MED16: variants seen among roughly 807,000 people sequenced by gnomAD.
The protein encoded by MED16 is mediator of RNA polymerase II transcription subunit 16.
In MED16, 81 loss-of-function variants were observed where a neutral mutation model predicts 84.4. That is an observed-to-expected ratio of 0.96 (90% CI 0.80 to 1.15). MED16 has a LOEUF of 1.15. MED16 is among the 50% of genes most tolerant of loss of function. The probability of loss-of-function intolerance (pLI) is 0.00; values close to 1 mark genes in which losing one functional copy is unlikely to be tolerated. For missense variants in MED16, 1,585 were observed against 1,245.9 expected (o/e 1.27, Z -4.10); for synonymous variants, 897 against 552.2 (o/e 1.62, Z -8.76).
intron 13 of MED16, 24 bp downstream of exon 13, chr19:871,013 G>A (rs757928053): frequency 7.2e-6 from 11 of 1,523,618 alleles, no homozygotes; most frequent in Admixed American, 2.0e-5. Context: ...CTGTGTTTGG[G>A]GACCAATGCA....
chr19:890,340 C>T lies in MED16; in HGVS notation c.170-96G>A, dbSNP rs969632178. On this transcript the variant is annotated intron_variant, in intron 2 of 15. Coordinates refer to ENST00000325464, the MANE Select transcript of MED16 (RefSeq NM_005481.3). ...GGCTCCAGGTAAGCCGGTGTGTGTC[C>T]CACCCCAGGAAGGTCACAGAACTGC... 26 of 822,760 alleles carry T rather than the reference C, an allele frequency of 3.2e-5. No homozygotes were observed. The Admixed American group carries it at 4.6e-4, about 14-fold the overall frequency. 51.0% of individuals were successfully genotyped at this position (822,760 alleles called of 1,614,324 possible).
intron 6 of MED16, among the ~76,000 whole-genome samples, chr19:883,710 GAC>G (rs1365239527): frequency 1.3e-5 from 2 of 152,160 alleles, no homozygotes; most frequent in African/African-American, 4.8e-5. Context: ...GCAGATGGTA[GAC>G]ACAGACGTGC....
At chr19:887,481 G>A (rs779404094) in intron 4 of MED16, among the ~76,000 whole-genome samples, 2 of 151,836 alleles carry the variant, frequency 1.3e-5, no homozygotes, top group African/African-American at 4.8e-5. Flanking sequence ...TCCTGGCCAA[G>A]ATAGTGAAAC....
At chr19:890,537 T>C (rs1399450466) in intron 2 of MED16, 4 of 377,448 alleles carry the variant, frequency 1.1e-5, no homozygotes, top group South Asian at 1.1e-4. Flanking sequence ...TGCACCCCGA[T>C]TTGATTCCAA....
intron 8 of MED16, among the ~76,000 whole-genome samples, chr19:879,177 G>A (rs1440784366): frequency 4.2e-5 from 6 of 141,448 alleles, no homozygotes; most frequent in Non-Finnish European, 9.0e-5. Flanking sequence ...GCCTTCCCCT[G>A]GTTGTCAATG....
chr19:889,870 C>A, intron 3 of MED16, 63 bp from the exon 4 acceptor site: 1 of 1,517,746 alleles, frequency 6.6e-7, no homozygotes. Flanking sequence ...CGTTGCAGGA[C>A]GGCACAGCGC....
chr19:870,566 C>CAAAAAA (rs1227950208), intron 13 of MED16, among the ~76,000 whole-genome samples: 1 of 103,702 alleles, frequency 9.6e-6, no homozygotes, highest in Non-Finnish European at 1.9e-5. Flanking sequence ...GTCGGGGAGA[C>CAAAAAA]AAAAAAAAAA....
rs1015592040 is a variant in MED16, at chr19:871,271, G to A, written c.2099-18C>T. On this transcript the variant is annotated intron_variant, in intron 12 of 15. Coordinates refer to ENST00000325464, the MANE Select transcript of MED16 (RefSeq NM_005481.3). ...ATCGCGACCTGCGGAGAGAGGTGGC[G>A]GAAGTCTCAGCACCCCTGACTGGGG... The A allele has an allele frequency of 3.3e-5, 51 of 1,525,038 alleles. No homozygotes were observed. Among genetic ancestry groups the A allele is most frequent in the African/African-American group, 5.5e-5 (4 of 72,800 alleles). The allele number at this position is 1,525,038 out of a possible 1,614,324, so 94.5% of individuals were successfully genotyped here. A position where few individuals can be genotyped will look rare whatever the true frequency, so the allele number is the denominator to read the frequency against.
At position 879,965 on chromosome 19, in the gene MED16, G is replaced by A. The variant is rs201215886; in HGVS notation, c.1325C>T (p.Ala442Val). ...KAMQLSWTSLALVGIDSHGKL... is the reference protein window; with the variant it reads ...KAMQLSWTSLVLVGIDSHGKL... Reference sequence around the variant, plus strand: ...CCCGTGGCTGTCAATCCCCACCAGGGCCAGTGACGTCCACGATAGCTGCAT... The same window carrying A: ...CCCGTGGCTGTCAATCCCCACCAGGACCAGTGACGTCCACGATAGCTGCAT... The change falls in exon 8 of 16, where the codon GCC (alanine) becomes GTC (valine). Residue 442 changes from alanine (A) to valine (V), a missense_variant. By Grantham distance (64) the Ala-to-Val change is moderately conservative (BLOSUM62 0). Transcript: ENST00000325464. 2.5e-6 allele frequency: 4 copies of A among 1,589,572 alleles called. No individual in the cohort carries two copies. The highest frequency in any genetic ancestry group is 3.4e-6 in the Non-Finnish European group (4 of 1,168,026).
At position 891,149 on chromosome 19, in the gene MED16, C is replaced by G. The variant is rs776418555; in HGVS notation, c.-18G>C. The G allele has an allele frequency of 6.2e-6, 10 of 1,604,964 alleles. No homozygotes were observed. The highest frequency in any genetic ancestry group is 7.7e-6 in the Non-Finnish European group (9 of 1,174,542). On this transcript the variant is annotated splice_region_variant and 5_prime_UTR_variant, in exon 2 of 16. Transcript: ENST00000325464. ...TCACACATGAGGGCAGTCACCAGCT[C>G]CTGCGGGAGGGAGGTGTGGTGGGAC...
chr19:875,256 T>C lies in MED16; in HGVS notation c.1759A>G (p.Ile587Val). 1 of 1,609,966 alleles carries C rather than the reference T, an allele frequency of 6.2e-7. No homozygotes were observed. Among genetic ancestry groups the C allele is most frequent in the South Asian group, 1.1e-5 (1 of 90,924 alleles). ...GAAAAGGACCCACCGACGTCGGTGA[T>C]CTTGGTGCAGATCTCGGTCAGCCGG... The part of the protein sequence containing the change: ...GDRLTEICTK[I>V]TDVDIDKVMI... Residue 587 changes from isoleucine (I) to valine (V), a missense_variant, in exon 10 of 16, where the codon ATC becomes GTC. Transcript: ENST00000325464.
rs1292418710 is a variant in MED16 at position 873,504 on chromosome 19, A to T, written c.1850T>A (p.Leu617His). 6.2e-7 allele frequency: 1 copy of T among 1,612,036 alleles called. No individual in the cohort carries two copies. The highest frequency in any genetic ancestry group is 1.3e-5 in the African/African-American group (1 of 74,940). Residue 617 changes from leucine to histidine, a missense_variant, in exon 11 of 16, where the codon CTC becomes CAC. By Grantham distance (99) the Leu-to-His change is moderately conservative. Transcript: ENST00000325464. ...CACGAAGTCGCCCACCCACTGCAAG[A>T]GCTGCTGCAGCGCCTGCAGTGTGTT... ...DMNTLQALQQLLQWVGDFVLY... is the reference protein window; with the variant it reads ...DMNTLQALQQHLQWVGDFVLY...
chr19:885,763 C>A lies in MED16; in HGVS notation c.879+7G>T, dbSNP rs762884165. On this transcript the variant is annotated splice_region_variant and intron_variant, in intron 5 of 15. Transcript: ENST00000325464. ...GCCAGCCCACGTGATGGCCTGCGCC[C>A]GTTCACCTGCTCCGACATGTCCCGG... is the stretch of plus-strand genomic sequence containing the variant. 1.2e-6 allele frequency: 2 copies of A among 1,603,806 alleles called. No homozygotes were observed. Among genetic ancestry groups the A allele is most frequent in the Non-Finnish European group, 1.7e-6 (2 of 1,178,200 alleles).
rs1466266640 is a variant in MED16, at chr19:886,204, G to A, written c.448-3C>T. On this transcript the variant is annotated splice_polypyrimidine_tract_variant and splice_region_variant and intron_variant, in intron 4 of 15. Coordinates refer to ENST00000325464, the MANE Select transcript of MED16 (RefSeq NM_005481.3). ...TCCCCGAAGCTGGAGGCGCCCGACTGTGGAGAAGGGAGGGAGGGAGGAGGG... is the reference window on the plus strand; with the variant it reads ...TCCCCGAAGCTGGAGGCGCCCGACTATGGAGAAGGGAGGGAGGGAGGAGGG... The A allele has an allele frequency of 6.0e-6, 9 of 1,503,218 alleles. No individual in the cohort carries two copies. The highest frequency in any genetic ancestry group is 7.1e-6 in the Non-Finnish European group (8 of 1,131,116). The allele number at this position is 1,503,218 out of a possible 1,614,324, so 93.1% of individuals were successfully genotyped here. A position where few individuals can be genotyped will look rare whatever the true frequency, so the allele number is the denominator to read the frequency against.
chr19:890,050 G>C, intron 3 of MED16, 87 bp downstream of exon 3: 1 of 1,060,278 alleles, frequency 9.4e-7, no homozygotes. Flanking sequence ...ACCCAGCGCC[G>C]GACTCCAGAC....
intron 6 of MED16, among the ~76,000 whole-genome samples, chr19:884,119 T>C (rs1233326776): frequency 6.6e-6 from 1 of 152,150 alleles, no homozygotes; most frequent in Non-Finnish European, 1.5e-5. Flanking sequence ...CCCCCACGTC[T>C]GGCCACTCCA....
chr19:875,540 C>G, intron 9 of MED16, 86 bp from the exon 10 acceptor site: 1 of 1,107,976 alleles, frequency 9.0e-7, no homozygotes, highest in Non-Finnish European at 1.3e-6. Flanking sequence ...CAGTTCGACT[C>G]TGACACCAGG....
chr19:872,183 C>T (rs2036091481), intron 11 of MED16, 65 bp from the exon 12 acceptor site: 9 of 1,450,494 alleles, frequency 6.2e-6, no homozygotes, highest in Non-Finnish European at 7.5e-6. Context: ...GATGAAGTGT[C>T]TTGGGGTCGG....
intron 9 of MED16, among the ~76,000 whole-genome samples, chr19:875,744 C>T (rs1218984849): frequency 4.6e-5 from 7 of 152,228 alleles, no homozygotes; most frequent in Middle Eastern, 3.4e-3. Context: ...TGCCAAGTAA[C>T]GGGTGGAGGC....
Sources: gnomAD v4.1 joint callset for allele counts (sites outside exome capture counted in the v4.1 genomes callset) on GRCh38, gnomAD v4.1.1 for gene constraint, MANE v1.5 for transcripts, NCBI Gene and HGNC (gene_info 2026-07-23, HGNC 2026-07-21) for gene names.